WDR41: variants seen among roughly 807,000 people sequenced by gnomAD.
WDR41 encodes the protein WD repeat-containing protein 41.
A neutral mutation model predicts 69.3 loss-of-function variants in WDR41; 63 were observed. That is an observed-to-expected ratio of 0.91 (90% CI 0.74 to 1.12). WDR41 has a LOEUF of 1.12. WDR41 is among the 50% of genes most tolerant of loss of function. The probability of loss-of-function intolerance (pLI) is 0.00; values close to 1 mark genes in which losing one functional copy is unlikely to be tolerated. For missense variants in WDR41, 543 were observed against 534.5 expected (o/e 1.02, Z -0.16); for synonymous variants, 185 against 192.1 (o/e 0.96, Z 0.31).
At chr5:77,434,631 G>T (rs1313714980) in intron 12 of WDR41, among the ~76,000 whole-genome samples, 3 of 151,648 alleles carry the variant, frequency 2.0e-5, no homozygotes, top group Non-Finnish European at 2.9e-5. Context: ...CTTAAACCTG[G>T]GAGGCGGAGA....
chr5:77,450,317 A>G (rs1581706056), intron 7 of WDR41, among the ~76,000 whole-genome samples: 1 of 152,222 alleles, frequency 6.6e-6, no homozygotes, highest in South Asian at 2.1e-4. Context: ...GTGAAGACAT[A>G]AGCAACTTCT....
chr5:77,603,924 T>C (rs964958149), intron 1 of WDR41, among the ~76,000 whole-genome samples: 7 of 152,190 alleles, frequency 4.6e-5, no homozygotes, highest in African/African-American at 9.7e-5. Context: ...TTCTGTTACA[T>C]TGGTGTATAT....
Position 77,489,445 on chromosome 5 carries a change from A to C in WDR41, c.167+12T>G. The C allele has an allele frequency of 1.3e-6, 2 of 1,537,762 alleles. No homozygotes were observed. Among genetic ancestry groups the C allele is most frequent in the Non-Finnish European group, 1.8e-6 (2 of 1,128,906 alleles). ...CCAAACAATAGTCAATTAGACCACT[A>C]TAGCTTCTTACCTGTAGTCATCTAA... On this transcript the variant is annotated intron_variant, in intron 2 of 12. Transcript: ENST00000296679.
chr5:77,431,797 T>C lies in WDR41; in HGVS notation c.*1338A>G, dbSNP rs1459516633. 6.6e-6 allele frequency: 1 copy of C among 152,220 alleles called. No homozygotes were observed. Among genetic ancestry groups the C allele is most frequent in the East Asian group, 1.9e-4 (1 of 5,198 alleles). The allele number at this position is 152,220 out of a possible 1,614,324, so 9.4% of individuals were successfully genotyped here. On this transcript the variant is annotated 3_prime_UTR_variant, in exon 13 of 13. Coordinates refer to ENST00000296679, the MANE Select transcript of WDR41 (RefSeq NM_018268.4). ...GTGAATAATGGGAGAAAGTCTTCTG[T>C]AATTGAGGTAGCTTAAGTTTTAATA...
chr5:77,568,855 T>C (rs1743682996), intron 1 of WDR41, among the ~76,000 whole-genome samples: 1 of 152,146 alleles, frequency 6.6e-6, no homozygotes, highest in African/African-American at 2.4e-5. Flanking sequence ...GTACAAACAG[T>C]CTGTGCTACG....
chr5:77,482,099 G>A (rs1360227919), intron 2 of WDR41, among the ~76,000 whole-genome samples: 1 of 152,104 alleles, frequency 6.6e-6, no homozygotes, highest in Non-Finnish European at 1.5e-5. Flanking sequence ...GGAGAGAAGG[G>A]CATTATAATA....
At chr5:77,586,886 T>C (rs1580030712) in intron 1 of WDR41, among the ~76,000 whole-genome samples, 1 of 144,702 alleles carries the variant, frequency 6.9e-6, no homozygotes, top group South Asian at 2.3e-4. Flanking sequence ...GCCTGGCTAA[T>C]TTTTTGTATT....
At chr5:77,550,645 A>T in intron 1 of WDR41, among the ~76,000 whole-genome samples, 1 of 152,224 alleles carries the variant, frequency 6.6e-6, no homozygotes, top group East Asian at 1.9e-4. Context: ...GAATGTACGA[A>T]TTAGTTTAAT....
At position 77,444,091 on chromosome 5, in the gene WDR41, G is replaced by A. The variant is rs558919208; in HGVS notation, c.698-3094C>T. Among the ~76,000 whole-genome samples the A allele has an allele frequency of 1.3e-4, 20 of 152,048 alleles. No homozygotes were observed. In the South Asian group the frequency reaches 4.2e-3, roughly 32 times the overall value. On this transcript the variant is annotated intron_variant, in intron 8 of 12. Transcript: ENST00000296679. ...TGACGGGTTTCGCCATGTTGGCCAG[G>A]CTGGTCTCAAACTCCTGACCTCAGG...
chr5:77,620,461 A>G (rs1368786253), intron 1 of WDR41: 1 of 455,804 alleles, frequency 2.2e-6, no homozygotes, highest in Non-Finnish European at 4.4e-6. Flanking sequence ...CTGAAGTCCC[A>G]ACAAAAACTT....
At chr5:77,451,467 G>A in intron 6 of WDR41, 114 bp from the exon 7 acceptor site, 1 of 865,546 alleles carries the variant, frequency 1.2e-6, no homozygotes, top group Non-Finnish European at 1.9e-6. Flanking sequence ...AAAGCACACA[G>A]AACTAGCTCC....
chr5:77,442,499 T>G (rs915146793), intron 8 of WDR41, among the ~76,000 whole-genome samples: 7 of 152,122 alleles, frequency 4.6e-5, no homozygotes, highest in Admixed American at 1.3e-4. Context: ...TAATACTGGA[T>G]AGTGGAAAGA....
Position 77,453,801 on chromosome 5 carries a change from C to T in WDR41, c.523+16G>A, listed in dbSNP as rs368948735. ...GTCTGTCAATCATAGTTCAAAATTA[C>T]CTTGATGTTTTTTACCTGTATCAGA... is the stretch of plus-strand genomic sequence containing the variant. On this transcript the variant is annotated intron_variant, in intron 6 of 12. Transcript: ENST00000296679. 7 of 1,591,054 alleles carry T rather than the reference C, an allele frequency of 4.4e-6. No individual in the cohort carries two copies. Among genetic ancestry groups the T allele is most frequent in the East Asian group, 2.2e-5 (1 of 44,740 alleles).
chr5:77,552,033 A>C (rs1282506722), intron 1 of WDR41, among the ~76,000 whole-genome samples: 40 of 138,580 alleles, frequency 2.9e-4, no homozygotes, highest in African/African-American at 9.9e-4. Context: ...AATAAAATAA[A>C]ATAAAATAAA....
At chr5:77,492,322 G>C (rs1231551444), upstream of WDR41, 6 of 1,473,030 alleles carry the variant, frequency 4.1e-6, no homozygotes, top group Non-Finnish European at 5.6e-6. Flanking sequence ...CAACTGAGAC[G>C]CTAATACTTC....
chr5:77,514,948 C>G (rs1028745383), intron 1 of WDR41, among the ~76,000 whole-genome samples: 2 of 152,152 alleles, frequency 1.3e-5, no homozygotes, highest in Non-Finnish European at 2.9e-5. Context: ...AGAAGTTGCT[C>G]TGGGTGAGTC....
intron 1 of WDR41, among the ~76,000 whole-genome samples, chr5:77,584,887 A>G (rs1373455800): frequency 2.0e-5 from 3 of 152,200 alleles, no homozygotes; most frequent in Admixed American, 1.3e-4. Flanking sequence ...ATAACATTGG[A>G]AAAACCCTTC....
chr5:77,546,532 A>C (rs1743203826), intron 1 of WDR41, among the ~76,000 whole-genome samples: 1 of 152,154 alleles, frequency 6.6e-6, no homozygotes, highest in Admixed American at 6.5e-5. Flanking sequence ...GAGATGGATA[A>C]ATTGTTGGAA....
intron 2 of WDR41, among the ~76,000 whole-genome samples, chr5:77,483,481 CGTGTGTGT>C (rs35574463): frequency 0.14 from 20,050 of 143,038 alleles, 1,376 homozygotes; most frequent in East Asian, 0.17. Context: ...CCTGAATACT[CGTGTGTGT>C]GTGTGTGTGT....
Sources: allele counts gnomAD v4.1 joint callset (sites outside exome capture counted in the v4.1 genomes callset), GRCh38; gene constraint gnomAD v4.1.1; transcripts MANE v1.5; gene names NCBI Gene and HGNC (gene_info 2026-07-23, HGNC 2026-07-21).